TMEM106C: variants seen among roughly 807,000 people sequenced by gnomAD.
The protein encoded by TMEM106C is transmembrane protein 106C.
TMEM106C carries 27 observed loss-of-function variants against 30.8 expected under a neutral mutation model. The ratio of observed to expected loss-of-function variants is 0.88; its 90% CI spans 0.65 to 1.21. The LOEUF (loss-of-function observed/expected upper bound fraction) is 1.21, where lower values mean the gene tolerates loss of function less well. Ranked by LOEUF, TMEM106C falls within the 50% of genes most tolerant of loss-of-function variation. The probability of loss-of-function intolerance (pLI) is 0.00; values close to 1 mark genes in which losing one functional copy is unlikely to be tolerated. For synonymous variants in TMEM106C, 123 were observed against 118.8 expected (o/e 1.04, Z -0.23); for missense variants, 288 against 307.8 (o/e 0.94, Z 0.48).
intron 7 of TMEM106C, 23 bp from the exon 8 acceptor site, chr12:47,968,107 ATTC>A (rs746861830): frequency 8.2e-6 from 13 of 1,588,738 alleles, no homozygotes; most frequent in Admixed American, 1.7e-5. Context: ...AACATAATTA[ATTC>A]TTCTTGGTTT....
rs756926332 is a variant in TMEM106C at position 47,964,431 on chromosome 12, T to A, written c.187+8T>A. ...CAGGCTACATTCCAACAGGTGATCA[T>A]GGAGGGATGATTCCCTGATGAGAAT... On this transcript the variant is annotated splice_region_variant and intron_variant, in intron 2 of 7. Coordinates refer to ENST00000429772, the MANE Select transcript of TMEM106C (RefSeq NM_001143842.2). 1 of 1,613,584 alleles carries A rather than the reference T, an allele frequency of 6.2e-7. No individual in the cohort carries two copies. Among genetic ancestry groups the A allele is most frequent in the Non-Finnish European group, 8.5e-7 (1 of 1,179,800 alleles).
intron 6 of TMEM106C, 52 bp downstream of exon 6, chr12:47,966,784 A>G (rs1461622241): frequency 6.3e-7 from 1 of 1,597,086 alleles, no homozygotes; most frequent in Non-Finnish European, 8.6e-7. Context: ...AAAGGGATTC[A>G]AAGTCATACT....
chr12:47,964,822 G>A, intron 2 of TMEM106C: 1 of 292,578 alleles, frequency 3.4e-6, no homozygotes, highest in South Asian at 3.9e-5. Context: ...AATATATCAG[G>A]TCAAGAGAGA....
chr12:47,966,628 CT>C, intron 5 of TMEM106C, 54 bp from the exon 6 acceptor site: 1 of 1,578,454 alleles, frequency 6.3e-7, no homozygotes, highest in Middle Eastern at 1.7e-4. Context: ...AATAATAATA[CT>C]GTTCTGTGTC....
intron 1 of TMEM106C, 47 bp from the exon 2 acceptor site, chr12:47,964,162 C>G: frequency 6.7e-7 from 1 of 1,495,610 alleles, no homozygotes; most frequent in Non-Finnish European, 9.1e-7. Flanking sequence ...CGATTTCTGT[C>G]GTGATTCACT....
intron 5 of TMEM106C, 127 bp downstream of exon 5, chr12:47,966,356 G>A (rs1277759908): frequency 8.8e-7 from 1 of 1,131,492 alleles, no homozygotes; most frequent in African/African-American, 1.6e-5. Flanking sequence ...TGGTGATGAG[G>A]AAGACCTGTT....
At chr12:47,965,245 A>G (rs755705383) in intron 2 of TMEM106C, 37 bp from the exon 3 acceptor site, 9 of 1,589,928 alleles carry the variant, frequency 5.7e-6, no homozygotes, top group East Asian at 2.2e-5. Context: ...CTGCCAACAC[A>G]TGGGATTTAC....
chr12:47,967,328 G>T lies in TMEM106C; in HGVS notation c.656+67G>T, dbSNP rs557471163. Reference sequence around the variant, plus strand: ...TGAGCCTACCACCTTTGCTCAGGAGGCCCCTGTGTGACCACAGGGCAGAGG... The same window carrying T: ...TGAGCCTACCACCTTTGCTCAGGAGTCCCCTGTGTGACCACAGGGCAGAGG... On this transcript the variant is annotated intron_variant, in intron 7 of 7. Coordinates refer to ENST00000429772, the MANE Select transcript of TMEM106C (RefSeq NM_001143842.2). 7 of 1,564,888 alleles carry T rather than the reference G, an allele frequency of 4.5e-6. No homozygotes were observed. In the African/African-American group the frequency reaches 9.5e-5, roughly 21 times the overall value.
At position 47,967,206 on chromosome 12, in the gene TMEM106C, A is replaced by C; in HGVS notation, c.603-2A>C. 1.2e-6 allele frequency: 2 copies of C among 1,613,358 alleles called. No homozygotes were observed. Among genetic ancestry groups the C allele is most frequent in the Non-Finnish European group, 1.7e-6 (2 of 1,179,902 alleles). ...ACTATTTCCATATTTGCTGTTTGGT[A>C]GCTTCTTCTGCACGGTACCTGAGAT... On this transcript the variant is annotated splice_acceptor_variant, in intron 6 of 7. Coordinates refer to ENST00000429772, the MANE Select transcript of TMEM106C (RefSeq NM_001143842.2). LOFTEE classifies it high-confidence loss of function.
chr12:47,964,568 A>C, intron 2 of TMEM106C, 145 bp downstream of exon 2: 1 of 691,822 alleles, frequency 1.4e-6, no homozygotes, highest in South Asian at 1.8e-5. Context: ...GACTTAATAC[A>C]CTTGGGCAGT....
rs1307745632 is a variant in TMEM106C at position 47,965,290 on chromosome 12, A to G, written c.196A>G (p.Asn66Asp). The change falls in exon 3 of 8, where the codon AAT becomes GAT. Residue 66 changes from asparagine to aspartate, a missense_variant. Coordinates refer to ENST00000429772, the MANE Select transcript of TMEM106C (RefSeq NM_001143842.2). ...GTTTGGCTCTTTTCTAGAGCAAGTA[A>G]ATGAGTTGGTGGCTTTGATCCCACA... ...GTGYIPTEQV[N>D]ELVALIPHSD... The G allele has an allele frequency of 7.4e-6, 12 of 1,613,796 alleles. No individual in the cohort carries two copies. Among genetic ancestry groups the G allele is most frequent in the Admixed American group, 1.7e-5 (1 of 59,950 alleles).
At position 47,968,235 on chromosome 12, in the gene TMEM106C, G is replaced by A. The variant is rs939152537; in HGVS notation, c.*6G>A. The A allele has an allele frequency of 1.2e-5, 19 of 1,605,346 alleles. No individual in the cohort carries two copies. The African/African-American group carries it at 2.4e-4, about 20-fold the overall frequency. Reference sequence around the variant, plus strand: ...GAAATTCCACAGCTATTTAACAACTGCTATTGGTTCTTCCACACAGCGCCT... The same window carrying A: ...GAAATTCCACAGCTATTTAACAACTACTATTGGTTCTTCCACACAGCGCCT... On this transcript the variant is annotated 3_prime_UTR_variant, in exon 8 of 8. Transcript: ENST00000429772.
rs1938139791 is a variant in TMEM106C at position 47,964,131 on chromosome 12, T to C, written c.-28-78T>C. 5.2e-6 allele frequency: 7 copies of C among 1,337,776 alleles called. No homozygotes were observed. The South Asian group carries it at 6.9e-5, about 13-fold the overall frequency. 82.9% of individuals were successfully genotyped at this position (1,337,776 alleles called of 1,614,324 possible). On this transcript the variant is annotated intron_variant, in intron 1 of 7. Transcript: ENST00000429772. ...CGGCAACTTGTCATTTTTGCGTTTT[T>C]AATTTTCTTATAGAAACAAGCGATT... is the stretch of plus-strand genomic sequence containing the variant.
chr12:47,966,527 A>C, intron 5 of TMEM106C, 156 bp from the exon 6 acceptor site: 1 of 822,154 alleles, frequency 1.2e-6, no homozygotes, highest in South Asian at 1.7e-5. Context: ...GGTTGGCAGT[A>C]TCAATTAGAG....
chr12:47,967,993 C>T (rs566363255), intron 7 of TMEM106C, 140 bp from the exon 8 acceptor site: 99 of 619,928 alleles, frequency 1.6e-4, no homozygotes, highest in Non-Finnish European at 2.5e-4. Flanking sequence ...TTCTGGCCTC[C>T]TGGTTACATA....
At chr12:47,966,661 A>G (rs767389862) in intron 5 of TMEM106C, 22 bp from the exon 6 acceptor site, 1 of 1,614,186 alleles carries the variant, frequency 6.2e-7, no homozygotes, top group Non-Finnish European at 8.5e-7. Flanking sequence ...GCCACAGACC[A>G]ACTCTGGTAT....
chr12:47,967,647 T>G (rs1938284781), intron 7 of TMEM106C, among the ~76,000 whole-genome samples: 1 of 152,230 alleles, frequency 6.6e-6, no homozygotes, highest in Admixed American at 6.5e-5. Context: ...GGTTGTTTTC[T>G]GGAAGCATGG....
rs745968183 is a variant in TMEM106C, at chr12:47,965,851, C to G, written c.265C>G (p.Leu89Val). Residue 89 changes from leucine (L) to valine (V), a missense_variant, in exon 4 of 8, where the codon CTC (leucine) becomes GTC (valine). Leu to Val is a conservative substitution (Grantham distance 32). Coordinates refer to ENST00000429772, the MANE Select transcript of TMEM106C (RefSeq NM_001143842.2). ...TGTCATTTGCAGTAAGCAATATGTC[C>G]TCCTGTCCATCCTGCTTTGTCTCCT... ...LRPQRTKQYV[L>V]LSILLCLLAS... is the part of the protein sequence containing the mutation. The G allele has an allele frequency of 6.2e-7, 1 of 1,614,114 alleles. No homozygotes were observed. The highest frequency in any genetic ancestry group is 1.1e-5 in the South Asian group (1 of 91,084).
rs1226024313 is a variant in TMEM106C at position 47,968,424 on chromosome 12, C to T, written c.*195C>T. 2 of 671,058 alleles carry T rather than the reference C, an allele frequency of 3.0e-6. No individual in the cohort carries two copies. Among genetic ancestry groups the T allele is most frequent in the Non-Finnish European group, 5.5e-6 (2 of 366,652 alleles). The allele number at this position is 671,058 out of a possible 1,614,324, so 41.6% of individuals were successfully genotyped here. A position where few individuals can be genotyped will look rare whatever the true frequency, so the allele number is the denominator to read the frequency against. Reference sequence around the variant, plus strand: ...TACCATTTATGTTTCTCAGAACCAGCAGAATCAGTGCCTAGCCTGTGCCCA... The same window carrying T: ...TACCATTTATGTTTCTCAGAACCAGTAGAATCAGTGCCTAGCCTGTGCCCA... On this transcript the variant is annotated 3_prime_UTR_variant, in exon 8 of 8. Transcript: ENST00000429772.
Sources: allele counts gnomAD v4.1 joint callset (sites outside exome capture counted in the v4.1 genomes callset), GRCh38; gene constraint gnomAD v4.1.1; transcripts MANE v1.5; gene names NCBI Gene and HGNC (gene_info 2026-07-23, HGNC 2026-07-21).